Variants in NETO1 observed in about 807,000 individuals in gnomAD.
NETO1 encodes the protein neuropilin and tolloid like 1.
In NETO1, 26 loss-of-function variants were observed where a neutral mutation model predicts 61.3. That is an observed-to-expected ratio of 0.42 (90% CI 0.31 to 0.59). The LOEUF is 0.59. NETO1 is among the 20% of genes least tolerant of loss of function. NETO1 has a pLI of 0.12. For synonymous variants in NETO1, 225 were observed against 225.8 expected (o/e 1.00, Z 0.03); for missense variants, 531 against 662.8 (o/e 0.80, Z 2.18).
Position 72,750,444 on chromosome 18 carries a change from C to T in NETO1, c.1159G>A (p.Val387Ile), listed in dbSNP as rs1371536306. ...SDFDQTVFQE[V>I]FEPPHYELCT... ...AACTCATAATGAGGAGGTTCAAATACCTCCTGGAAAACTGTCTGGTCAAAG... is the reference window on the plus strand; with the variant it reads ...AACTCATAATGAGGAGGTTCAAATATCTCCTGGAAAACTGTCTGGTCAAAG... The change falls in exon 9 of 11, where the codon GTA becomes ATA. Residue 387 changes from valine to isoleucine, a missense_variant. Physicochemically the swap from Val to Ile is conservative, Grantham distance 29 (BLOSUM62 3). Coordinates refer to ENST00000327305, the MANE Select transcript of NETO1 (RefSeq NM_138966.5). 8 of 1,614,010 alleles carry T rather than the reference C, an allele frequency of 5.0e-6. No homozygotes were observed. Among genetic ancestry groups the T allele is most frequent in the African/African-American group, 2.7e-5 (2 of 74,918 alleles).
intron 8 of NETO1, among the ~76,000 whole-genome samples, chr18:72,753,094 AAAC>A (rs530381011): frequency 2.0e-5 from 3 of 152,114 alleles, no homozygotes; most frequent in Admixed American, 2.0e-4. Flanking sequence ...GTAACAGGAA[AAAC>A]AACAACAACA....
intron 4 of NETO1, chr18:72,834,492 CTT>C: frequency 1.0e-6 from 1 of 974,788 alleles, no homozygotes; most frequent in East Asian, 1.1e-4. Flanking sequence ...TTATGTGACA[CTT>C]AAGAAAGTTA....
chr18:72,793,431 A>G (rs1456769888), intron 6 of NETO1, among the ~76,000 whole-genome samples: 1 of 152,208 alleles, frequency 6.6e-6, no homozygotes, highest in East Asian at 1.9e-4. Context: ...GTCAAAATCT[A>G]GCCCACAATA....
At chr18:72,763,547 G>A (rs2071049418) in intron 7 of NETO1, among the ~76,000 whole-genome samples, 3 of 152,022 alleles carry the variant, frequency 2.0e-5, no homozygotes, top group Admixed American at 6.6e-5. Context: ...CACAGCCACA[G>A]GCTGTCTCAC....
intron 4 of NETO1, among the ~76,000 whole-genome samples, chr18:72,821,020 T>G (rs1172704459): frequency 2.0e-5 from 3 of 152,002 alleles, no homozygotes; most frequent in African/African-American, 7.2e-5. Context: ...ATCTCCTAAT[T>G]AGAACCTTGA....
chr18:72,822,451 G>A (rs564263997), intron 4 of NETO1, among the ~76,000 whole-genome samples: 3 of 152,308 alleles, frequency 2.0e-5, no homozygotes, highest in South Asian at 4.1e-4. Context: ...CCGTCCCCCC[G>A]CAGGACGTGG....
chr18:72,750,012 A>G (rs1267646695), intron 9 of NETO1, 50 bp downstream of exon 9: 1 of 1,306,532 alleles, frequency 7.7e-7, no homozygotes, highest in African/African-American at 1.5e-5. Context: ...CTCTGGAAGT[A>G]TTTCAGTCTT....
chr18:72,818,511 C>T (rs570323089), intron 4 of NETO1, among the ~76,000 whole-genome samples: 1 of 152,236 alleles, frequency 6.6e-6, no homozygotes, highest in Admixed American at 6.5e-5. Context: ...TATGCTTCTT[C>T]CTCGAAATTT....
rs888218516 is a variant in NETO1 at position 72,746,993 on chromosome 18, T to C, written c.*1186A>G. ...ATAAGAATAATTCATAATGGTGGTT[T>C]AATTCATAAAAGGGCTTGTGATTTT... On this transcript the variant is annotated 3_prime_UTR_variant, in exon 11 of 11. Transcript: ENST00000327305. The C allele has an allele frequency of 5.9e-5, 9 of 151,990 alleles. No individual in the cohort carries two copies. Among genetic ancestry groups the C allele is most frequent in the African/African-American group, 1.9e-4 (8 of 41,432 alleles). The allele number at this position is 151,990 out of a possible 1,614,324, so 9.4% of individuals were successfully genotyped here.
Position 72,833,594 on chromosome 18 carries a change from T to C in NETO1, c.469+25232A>G, listed in dbSNP as rs544913378. On this transcript the variant is annotated intron_variant, in intron 4 of 10. Coordinates refer to ENST00000327305, the MANE Select transcript of NETO1 (RefSeq NM_138966.5). ...CTAACTCCCTGTTGCTCAATGCTTTTCTGACTCTCACGACATCCCCGAACC... is the reference window on the plus strand; with the variant it reads ...CTAACTCCCTGTTGCTCAATGCTTTCCTGACTCTCACGACATCCCCGAACC... Among the ~76,000 whole-genome samples, 123 of 152,302 alleles carry C rather than the reference T, an allele frequency of 8.1e-4. 1 individual carries two copies. The South Asian group carries it at 0.023, about 28-fold the overall frequency.
chr18:72,821,927 A>G (rs2073212935), intron 4 of NETO1, among the ~76,000 whole-genome samples: 1 of 152,204 alleles, frequency 6.6e-6, no homozygotes, highest in Non-Finnish European at 1.5e-5. Context: ...ACTGGGTTAC[A>G]GACTTGGCTT....
intron 8 of NETO1, among the ~76,000 whole-genome samples, chr18:72,750,914 A>ACACACACACACAC (rs2070587468): frequency 2.8e-5 from 2 of 71,812 alleles, no homozygotes; most frequent in Non-Finnish European, 2.8e-5. Context: ...CACACACACA[A>ACACACACACACAC]TCCTCTATCT....
At chr18:72,783,490 A>T (rs1158106826) in intron 7 of NETO1, among the ~76,000 whole-genome samples, 188 bp downstream of exon 7, 1 of 152,244 alleles carries the variant, frequency 6.6e-6, no homozygotes, top group Admixed American at 6.5e-5. Flanking sequence ...ATAAGAAAGC[A>T]AAATGTAATA....
chr18:72,796,572 G>A (rs1023446394), intron 4 of NETO1, among the ~76,000 whole-genome samples: 1 of 152,008 alleles, frequency 6.6e-6, no homozygotes, highest in African/African-American at 2.4e-5. Flanking sequence ...CACCTCCCAG[G>A]TTCACACCAT....
chr18:72,863,343 G>T (rs1246625587), intron 3 of NETO1, among the ~76,000 whole-genome samples: 1 of 152,184 alleles, frequency 6.6e-6, no homozygotes, highest in African/African-American at 2.4e-5. Flanking sequence ...ATGAAGGTGA[G>T]CATCTCTTCT....
At chr18:72,857,541 C>G (rs1326904573) in intron 4 of NETO1, among the ~76,000 whole-genome samples, 1 of 152,132 alleles carries the variant, frequency 6.6e-6, no homozygotes, top group Non-Finnish European at 1.5e-5. Flanking sequence ...ACTTATGAAA[C>G]CTAGAACATG....
chr18:72,825,535 T>C (rs975580509), intron 4 of NETO1, among the ~76,000 whole-genome samples: 1 of 152,136 alleles, frequency 6.6e-6, no homozygotes, highest in Non-Finnish European at 1.5e-5. Context: ...TTTTATTTCA[T>C]TAATTTCTGC....
intron 3 of NETO1, among the ~76,000 whole-genome samples, chr18:72,864,416 T>A (rs985889800): frequency 4.1e-4 from 63 of 152,218 alleles, no homozygotes; most frequent in African/African-American, 1.4e-3. Flanking sequence ...TAATTTATAA[T>A]ACTAAAGAAA....
chr18:72,829,382 T>A (rs2073498088), intron 4 of NETO1, among the ~76,000 whole-genome samples: 1 of 152,110 alleles, frequency 6.6e-6, no homozygotes, highest in African/African-American at 2.4e-5. Flanking sequence ...TTATTAACTG[T>A]TTTCAGGATA....
Sources: gnomAD v4.1 joint callset for allele counts (sites outside exome capture counted in the v4.1 genomes callset) on GRCh38, gnomAD v4.1.1 for gene constraint, MANE v1.5 for transcripts, NCBI Gene and HGNC (gene_info 2026-07-23, HGNC 2026-07-21) for gene names.